Variants in TENM3 observed in about 807,000 individuals in gnomAD.
TENM3 encodes the protein teneurin-3.
In TENM3, 63 loss-of-function variants were observed where a neutral mutation model predicts 255.1. The observed-to-expected ratio is 0.25, with a 90% confidence interval of 0.20 to 0.30. TENM3 has a LOEUF of 0.30. TENM3 is among the 10% of genes least tolerant of loss of function. The probability of loss-of-function intolerance (pLI) is 1.00; values close to 1 mark genes in which losing one functional copy is unlikely to be tolerated. For missense variants in TENM3, 2,929 were observed against 3,461.1 expected, an observed-to-expected ratio of 0.85 and a Z score of 3.86; for synonymous variants, 1,306 against 1,322.3, an observed-to-expected ratio of 0.99 and a Z score of 0.27.
rs78795776 is a variant in TENM3, at chr4:182,647,315, T to C, written c.989-6456T>C. On this transcript the variant is annotated intron_variant, in intron 5 of 27. Transcript: ENST00000511685. ...AGGATTAGCATTGTTGTGCAACAGATTTACAAAATGTTTTTATAGTATGAA... is the reference window on the plus strand; with the variant it reads ...AGGATTAGCATTGTTGTGCAACAGACTTACAAAATGTTTTTATAGTATGAA... 7.7e-4 allele frequency among the ~76,000 whole-genome samples: 117 copies of C among 152,322 alleles called. 2 individuals carry two copies. The East Asian group carries it at 0.019, about 25-fold the overall frequency.
At chr4:181,874,119 A>G in the TENM3 span, among the ~76,000 whole-genome samples, 1 of 151,816 alleles carries the variant, frequency 6.6e-6, no homozygotes, top group Non-Finnish European at 1.5e-5. Context: ...GGGTTTCACC[A>G]TGCTGGCCAG....
intron 1 of TENM3, among the ~76,000 whole-genome samples, chr4:182,204,816 A>G (rs948542655): frequency 2.0e-5 from 3 of 152,236 alleles, no homozygotes; most frequent in Non-Finnish European, 2.9e-5. Context: ...TCTGTGTTCA[A>G]TGAAGATTAC....
chr4:182,092,424 G>A, the TENM3 span, among the ~76,000 whole-genome samples: 3 of 152,186 alleles, frequency 2.0e-5, no homozygotes, highest in African/African-American at 7.2e-5. Context: ...AAGGTGGGGG[G>A]ATTGCTTGAG....
chr4:182,523,937 C>T (rs535455476), intron 3 of TENM3, among the ~76,000 whole-genome samples: 2 of 152,046 alleles, frequency 1.3e-5, no homozygotes, highest in East Asian at 1.9e-4. Context: ...ATTTACTTTC[C>T]TCATATGTAT....
At chr4:181,463,838 A>G in the TENM3 span, among the ~76,000 whole-genome samples, 1 of 152,112 alleles carries the variant, frequency 6.6e-6, no homozygotes, top group Non-Finnish European at 1.5e-5. Context: ...TCTGGCAGCT[A>G]TAAGTCTACT....
chr4:181,832,000 G>GTGTC, the TENM3 span, among the ~76,000 whole-genome samples: 1 of 148,410 alleles, frequency 6.7e-6, no homozygotes, highest in Non-Finnish European at 1.5e-5. Flanking sequence ...GTGTGTGTGT[G>GTGTC]TGTGTGTGTG....
chr4:182,770,458 A>C (rs1362531556), intron 22 of TENM3, among the ~76,000 whole-genome samples: 1 of 152,018 alleles, frequency 6.6e-6, no homozygotes, highest in East Asian at 1.9e-4. Context: ...CTTCCTCCGC[A>C]GCCCTCCCAG....
the TENM3 span, among the ~76,000 whole-genome samples, chr4:181,951,866 G>A: frequency 5.3e-5 from 8 of 152,158 alleles, no homozygotes; most frequent in South Asian, 6.2e-4. Flanking sequence ...AAATGTAATC[G>A]AAAGCTGTAA....
chr4:182,799,588 GC>G lies in TENM3; in HGVS notation c.7345-5del. ...TCTGACGCGCCCCCTCTTTTGTTTCGCCCGCAGCCCATCTTCGGAGTCCAGC... is the reference window on the plus strand; with the variant it reads ...TCTGACGCGCCCCCTCTTTTGTTTCGCCGCAGCCCATCTTCGGAGTCCAGC... On this transcript the variant is annotated splice_polypyrimidine_tract_variant and splice_region_variant and intron_variant, in intron 27 of 27. Coordinates refer to ENST00000511685, the MANE Select transcript of TENM3 (RefSeq NM_001080477.4). The surrounding 1 kb of genome is among the most constrained non-coding windows in gnomAD (Gnocchi z 4.2). The G allele has an allele frequency of 6.5e-7, 1 of 1,535,018 alleles. No individual in the cohort carries two copies.
Position 182,793,053 on chromosome 4 carries a change from ATATGCT to A in TENM3, c.6386_6391del (p.Ala2129_Tyr2130del). ...TAGGGCCCTTTGCCAACACCACCAA[ATATGCT>A]TATGAATATGATGTTGATGGACAGC... On this transcript the variant is annotated inframe_deletion, in exon 26 of 28. Coordinates refer to ENST00000511685, the MANE Select transcript of TENM3 (RefSeq NM_001080477.4). The surrounding 1 kb of genome is among the most constrained non-coding windows in gnomAD (Gnocchi z 5.7). The A allele has an allele frequency of 3.1e-6, 5 of 1,613,930 alleles. No individual in the cohort carries two copies. Among genetic ancestry groups the A allele is most frequent in the Non-Finnish European group, 4.2e-6 (5 of 1,179,884 alleles).
intron 3 of TENM3, among the ~76,000 whole-genome samples, chr4:182,357,903 A>G (rs1206053322): frequency 5.9e-5 from 9 of 151,672 alleles, no homozygotes; most frequent in African/African-American, 1.9e-4. Flanking sequence ...TATAAGGTGT[A>G]AGGAAGGGAT....
the TENM3 span, among the ~76,000 whole-genome samples, chr4:182,049,844 A>T: frequency 6.6e-6 from 1 of 152,176 alleles, no homozygotes; most frequent in Non-Finnish European, 1.5e-5. Context: ...CGTATAAATC[A>T]GGGAACAATT....
rs1178973771 is a variant in TENM3 at position 182,361,693 on chromosome 4, G to A, written c.511+14764G>A. 9.2e-5 allele frequency among the ~76,000 whole-genome samples: 14 copies of A among 151,710 alleles called. No homozygotes were observed. The East Asian group carries it at 9.7e-4, about 11-fold the overall frequency. On this transcript the variant is annotated intron_variant, in intron 3 of 27. Coordinates refer to ENST00000511685, the MANE Select transcript of TENM3 (RefSeq NM_001080477.4). Reference sequence around the variant, plus strand: ...TCCTCCTGTAGCTCGTAGTTTGATCGTCTGAAGCCTTCTTCTCTCAACTCG... The same window carrying A: ...TCCTCCTGTAGCTCGTAGTTTGATCATCTGAAGCCTTCTTCTCTCAACTCG...
At chr4:181,521,783 C>G in the TENM3 span, among the ~76,000 whole-genome samples, 3 of 152,042 alleles carry the variant, frequency 2.0e-5, no homozygotes, top group Non-Finnish European at 2.9e-5. Flanking sequence ...ATTCTATCTG[C>G]ATCTGCTAAA....
intron 3 of TENM3, among the ~76,000 whole-genome samples, chr4:182,506,498 T>C (rs1461744761): frequency 6.6e-6 from 1 of 152,174 alleles, no homozygotes; most frequent in Non-Finnish European, 1.5e-5. Context: ...GCTCTTTCTC[T>C]CTCCCTTCTT....
the TENM3 span, among the ~76,000 whole-genome samples, chr4:181,473,970 T>G: frequency 6.6e-6 from 1 of 151,338 alleles, no homozygotes; most frequent in Non-Finnish European, 1.5e-5. Context: ...CATAGAATAT[T>G]GTGATGGGCT....
At chr4:181,565,266 A>T in the TENM3 span, among the ~76,000 whole-genome samples, 1 of 152,052 alleles carries the variant, frequency 6.6e-6, no homozygotes, top group Non-Finnish European at 1.5e-5. Context: ...GAGGACTAAT[A>T]CTCTTCTCTC....
chr4:182,504,889 C>G (rs1291091648), intron 3 of TENM3, among the ~76,000 whole-genome samples: 2 of 152,174 alleles, frequency 1.3e-5, no homozygotes, highest in Non-Finnish European at 2.9e-5. Context: ...CTCCCCAGCC[C>G]AGGTCATAAT....
the TENM3 span, among the ~76,000 whole-genome samples, chr4:181,538,155 AAAT>A: frequency 1.3e-5 from 2 of 152,190 alleles, no homozygotes; most frequent in African/African-American, 2.4e-5. Flanking sequence ...ATATTAATAA[AAAT>A]AATATTTCAA....
Sources: allele counts gnomAD v4.1 joint callset (sites outside exome capture counted in the v4.1 genomes callset), GRCh38; gene constraint gnomAD v4.1.1; non-coding constraint Gnocchi (gnomAD v3.1); transcripts MANE v1.5; gene names NCBI Gene and HGNC (gene_info 2026-07-23, HGNC 2026-07-21).